The following STAG1 variants were observed in gnomAD, a reference collection of about 807,000 sequenced individuals.
The protein encoded by STAG1 is cohesin subunit SA-1.
A neutral mutation model predicts 170.9 loss-of-function variants in STAG1; 26 were observed. The ratio of observed to expected loss-of-function variants is 0.15; its 90% confidence interval spans 0.11 to 0.21. STAG1 has a LOEUF of 0.21. Ranked by LOEUF, STAG1 falls within the 10% of genes least tolerant of loss-of-function variation. STAG1 has a pLI of 1.00. For synonymous variants in STAG1, 514 were observed against 497.7 expected, an observed-to-expected ratio of 1.03 and a Z score of -0.44; for missense variants, 964 against 1,509.5, an observed-to-expected ratio of 0.64 and a Z score of 5.99.
intron 1 of STAG1, chr3:136,721,548 AG>A (rs1933268665): frequency 6.6e-6 from 1 of 152,190 alleles, no homozygotes; most frequent in African/African-American, 2.4e-5. Flanking sequence ...ACAGATCAGA[AG>A]GGGTGAAGTT....
chr3:136,730,736 T>C (rs1933994448), intron 1 of STAG1, among the ~76,000 whole-genome samples: 1 of 152,178 alleles, frequency 6.6e-6, no homozygotes. Context: ...AAGGACAAAG[T>C]TCAAACACTT....
At chr3:136,709,620 G>A (rs942300454) in intron 1 of STAG1, among the ~76,000 whole-genome samples, 5 of 147,960 alleles carry the variant, frequency 3.4e-5, no homozygotes, top group East Asian at 2.0e-4. Context: ...CCGTTGTCCC[G>A]GCTACTAGGG....
chr3:136,443,299 G>C lies in STAG1; in HGVS notation c.1534C>G (p.Gln512Glu). The change falls in exon 15 of 34, where the codon CAA becomes GAA. Residue 512 changes from glutamine to glutamate, a missense_variant. Coordinates refer to ENST00000383202, the MANE Select transcript of STAG1 (RefSeq NM_005862.3). ...CAAAATACTATACCTTCCTCTCCTT[G>C]AACAGGTTCTTCTAATAGCAACTCT... ...MTELLLEEPV[Q>E]GEEAMSDRQE... 6.2e-7 allele frequency: 1 copy of C among 1,609,906 alleles called. No individual in the cohort carries two copies.
intron 32 of STAG1, among the ~76,000 whole-genome samples, chr3:136,339,340 T>A (rs1471844249): frequency 6.6e-6 from 1 of 152,130 alleles, no homozygotes; most frequent in Non-Finnish European, 1.5e-5. Context: ...CTGGCCAACA[T>A]GGTGAAACCC....
intron 1 of STAG1, among the ~76,000 whole-genome samples, chr3:136,661,488 A>C (rs1449157421): frequency 6.6e-6 from 1 of 152,204 alleles, no homozygotes. Context: ...CAAGGGAAAA[A>C]TAATACTGCC....
intron 9 of STAG1, among the ~76,000 whole-genome samples, chr3:136,479,170 G>A (rs1306683125): frequency 6.9e-6 from 1 of 145,790 alleles, no homozygotes; most frequent in Non-Finnish European, 1.5e-5. Context: ...CTGGTGCGCT[G>A]CACCCACCAA....
chr3:136,452,238 A>G, intron 13 of STAG1, 91 bp from the exon 14 acceptor site: 1 of 805,848 alleles, frequency 1.2e-6, no homozygotes, highest in Non-Finnish European at 2.1e-6. Flanking sequence ...TTTAACAACA[A>G]CAACAACAAA....
intron 1 of STAG1, among the ~76,000 whole-genome samples, chr3:136,667,734 G>A (rs1204386838): frequency 6.6e-6 from 1 of 152,154 alleles, no homozygotes; most frequent in Non-Finnish European, 1.5e-5. Flanking sequence ...GATCTCAAGT[G>A]ATCTGCCCGC....
At chr3:136,502,600 T>G in intron 8 of STAG1, 28 bp downstream of exon 8, 4 of 1,606,984 alleles carry the variant, frequency 2.5e-6, no homozygotes, top group Non-Finnish European at 3.4e-6. Context: ...TTACAGAACA[T>G]AAAATCATCA....
At chr3:136,690,826 G>A (rs1942696310) in intron 1 of STAG1, among the ~76,000 whole-genome samples, 1 of 151,760 alleles carries the variant, frequency 6.6e-6, no homozygotes, top group Non-Finnish European at 1.5e-5. Context: ...AGGTGGTTAA[G>A]GGAGATACCA....
intron 1 of STAG1, among the ~76,000 whole-genome samples, chr3:136,648,956 G>A (rs558227838): frequency 2.0e-5 from 3 of 152,178 alleles, no homozygotes; most frequent in East Asian, 1.9e-4. Context: ...CTACCACTTC[G>A]AGGATAATAT....
At chr3:136,748,227 C>CT (rs1935050199) in intron 1 of STAG1, among the ~76,000 whole-genome samples, 1 of 151,804 alleles carries the variant, frequency 6.6e-6, no homozygotes, top group Admixed American at 6.6e-5. Flanking sequence ...AGGTGAAACA[C>CT]TGTCTCTACC....
Position 136,337,446 on chromosome 3 carries a change from A to G in STAG1, c.*808T>C, listed in dbSNP as rs1272824955. 6.5e-6 allele frequency: 1 copy of G among 152,688 alleles called. No individual in the cohort carries two copies. The highest frequency in any genetic ancestry group is 1.5e-5 in the Non-Finnish European group (1 of 68,046). The allele number at this position is 152,688 out of a possible 1,614,324, so 9.5% of individuals were successfully genotyped here. On this transcript the variant is annotated 3_prime_UTR_variant, in exon 34 of 34. Transcript: ENST00000383202. ...TATTTGCTGGTAGAAGTTGCTAAAA[A>G]TGCACAGAACAAATACCAATAGAAA...
At chr3:136,619,808 G>A (rs1392110618) in intron 3 of STAG1, among the ~76,000 whole-genome samples, 1 of 149,188 alleles carries the variant, frequency 6.7e-6, no homozygotes, top group Admixed American at 6.7e-5. Context: ...GTTCCTGCCT[G>A]TAATCCCAGC....
In STAG1 at chr3:136,533,410, A is replaced by T. The variant is rs1935473415; in HGVS notation, c.471+8709T>A. Among the ~76,000 whole-genome samples, 3 of 152,114 alleles carry T rather than the reference A, an allele frequency of 2.0e-5. No individual in the cohort carries two copies. In the South Asian group the frequency reaches 6.2e-4, roughly 32 times the overall value. On this transcript the variant is annotated intron_variant, in intron 6 of 33. Coordinates refer to ENST00000383202, the MANE Select transcript of STAG1 (RefSeq NM_005862.3). ...ATTTTTTGCATTACTATAAAGAAATACCCAAGACTGGGTAATTTATAAAGA... is the reference window on the plus strand; with the variant it reads ...ATTTTTTGCATTACTATAAAGAAATTCCCAAGACTGGGTAATTTATAAAGA...
intron 5 of STAG1, among the ~76,000 whole-genome samples, chr3:136,565,011 A>AAGGAAGGAAGGCAGGCAGGCAGGCAGGC (rs1207671431): frequency 2.2e-5 from 1 of 45,450 alleles, no homozygotes; most frequent in African/African-American, 1.3e-4. Flanking sequence ...GGAAGGAAGG[A>AAGGAAGGAAGGCAGGCAGGCAGGCAGGC]AGGCAGGCAG....
chr3:136,570,650 A>G (rs1264824027), intron 4 of STAG1, among the ~76,000 whole-genome samples: 1 of 152,230 alleles, frequency 6.6e-6, no homozygotes, highest in Non-Finnish European at 1.5e-5. Flanking sequence ...TTCCACCAGC[A>G]ATGTATGACA....
intron 6 of STAG1, among the ~76,000 whole-genome samples, chr3:136,534,317 A>G (rs1935517338): frequency 6.6e-6 from 1 of 152,348 alleles, no homozygotes; most frequent in South Asian, 2.1e-4. Flanking sequence ...AAAACACAGG[A>G]AAAACAATTC....
intron 9 of STAG1, among the ~76,000 whole-genome samples, chr3:136,484,898 G>C (rs550065593): frequency 6.6e-6 from 1 of 151,998 alleles, no homozygotes; most frequent in South Asian, 2.1e-4. Context: ...TGACCCTTGC[G>C]CTTCCCAGGT....
Sources: gnomAD v4.1 joint callset for allele counts (sites outside exome capture counted in the v4.1 genomes callset) on GRCh38, gnomAD v4.1.1 for gene constraint, MANE v1.5 for transcripts, NCBI Gene and HGNC (gene_info 2026-07-23, HGNC 2026-07-21) for gene names.